Variants in SPATS2L observed in about 807,000 individuals in gnomAD.
SPATS2L encodes the protein spermatogenesis associated serine rich 2 like.
SPATS2L carries 30 observed loss-of-function variants against 59.6 expected under a neutral mutation model. The ratio of observed to expected loss-of-function variants is 0.50; its 90% confidence interval spans 0.38 to 0.68. The LOEUF (loss-of-function observed/expected upper bound fraction) is 0.68, where lower values mean the gene tolerates loss of function less well. Ranked by LOEUF, SPATS2L falls within the 30% of genes least tolerant of loss-of-function variation. The pLI is 0.00. For synonymous variants in SPATS2L, 252 were observed against 263.5 expected, an observed-to-expected ratio of 0.96 and a Z score of 0.42; for missense variants, 615 against 700.0, an observed-to-expected ratio of 0.88 and a Z score of 1.37.
intron 10 of SPATS2L, 115 bp from the exon 11 acceptor site, chr2:200,469,798 TC>T (rs1195564255): frequency 1.3e-6 from 1 of 741,182 alleles, no homozygotes; most frequent in Non-Finnish European, 2.2e-6. Context: ...GCTGGAAAGA[TC>T]CCCACCAGGT....
At chr2:200,474,404 TCAAA>T (rs2087338497) in intron 12 of SPATS2L, among the ~76,000 whole-genome samples, 1 of 152,078 alleles carries the variant, frequency 6.6e-6, no homozygotes, top group African/African-American at 2.4e-5. Flanking sequence ...CCTCCTGGGC[TCAAA>T]CAATCCACCA....
At chr2:200,434,912 A>G (rs1215314548) in intron 6 of SPATS2L, among the ~76,000 whole-genome samples, 1 of 152,134 alleles carries the variant, frequency 6.6e-6, no homozygotes, top group East Asian at 1.9e-4. Context: ...AAGAGGAGTA[A>G]AGCAGTTACA....
chr2:200,328,150 T>C (rs2079817506), intron 1 of SPATS2L, among the ~76,000 whole-genome samples: 1 of 152,184 alleles, frequency 6.6e-6, no homozygotes, highest in African/African-American at 2.4e-5. Flanking sequence ...ACGTGGATCC[T>C]GGGTGTTAGA....
rs142364163 is a variant in SPATS2L at position 200,311,488 on chromosome 2, A to G, written c.-73+4566A>G. On this transcript the variant is annotated intron_variant, in intron 1 of 12. Transcript: ENST00000409140. ...TTGAGGCTTTATGCCAGTATTTTAT[A>G]CGTCAAACAATTAGGCTAAAGTTAT... Among the ~76,000 whole-genome samples the G allele has an allele frequency of 1.6e-4, 24 of 152,330 alleles. No homozygotes were observed. The East Asian group carries it at 4.1e-3, about 26-fold the overall frequency.
chr2:200,472,917 G>A lies in SPATS2L; in HGVS notation c.1146G>A (p.Gly382=), dbSNP rs866933756. 11 of 1,613,792 alleles carry A rather than the reference G, an allele frequency of 6.8e-6. No individual in the cohort carries two copies. The highest frequency in any genetic ancestry group is 9.3e-6 in the Non-Finnish European group (11 of 1,179,852). The change falls in exon 12 of 13, where the codon GGG becomes GGA. Residue 382 remains glycine, a synonymous_variant. Coordinates refer to ENST00000409140, the MANE Select transcript of SPATS2L (RefSeq NM_001100423.2). ...TGAATGCGCACGCAGCAACCTCTGG[G>A]AAACAGAGTAACTTTTCCCGAAAAT... ...PLLNAHAATS[G]KQSNFSRKSS...
chr2:200,463,283 T>C (rs2086370361), intron 9 of SPATS2L: 1 of 152,210 alleles, frequency 6.6e-6, no homozygotes, highest in South Asian at 2.1e-4. Flanking sequence ...TTACATTTCC[T>C]GTAGACATTA....
intron 3 of SPATS2L, among the ~76,000 whole-genome samples, chr2:200,395,312 G>C (rs928970477): frequency 3.3e-5 from 5 of 152,184 alleles, no homozygotes; most frequent in Non-Finnish European, 7.3e-5. Context: ...GTAAAACTTG[G>C]TGATGGAAAG....
intron 3 of SPATS2L, chr2:200,389,644 G>A (rs925900743): frequency 3.7e-5 from 7 of 186,828 alleles, no homozygotes; most frequent in African/African-American, 9.4e-5. Flanking sequence ...CCATTCCACC[G>A]TTCATACTCT....
At chr2:200,381,013 G>A (rs2081790598) in intron 2 of SPATS2L, among the ~76,000 whole-genome samples, 1 of 152,168 alleles carries the variant, frequency 6.6e-6, no homozygotes, top group Admixed American at 6.5e-5. Context: ...TAAGAGACCT[G>A]AGTCATTACC....
intron 1 of SPATS2L, among the ~76,000 whole-genome samples, chr2:200,323,443 C>A (rs1481215980): frequency 6.6e-6 from 1 of 152,088 alleles, no homozygotes; most frequent in East Asian, 1.9e-4. Context: ...AGCCAATATA[C>A]CATTTAAAAT....
intron 2 of SPATS2L, among the ~76,000 whole-genome samples, chr2:200,333,258 C>T (rs904629733): frequency 6.6e-6 from 1 of 151,158 alleles, no homozygotes; most frequent in Non-Finnish European, 1.5e-5. Flanking sequence ...TGCACTCCAG[C>T]CTGGGTGACA....
intron 6 of SPATS2L, among the ~76,000 whole-genome samples, chr2:200,422,492 G>A (rs1369091279): frequency 1.4e-5 from 2 of 144,354 alleles, no homozygotes; most frequent in Non-Finnish European, 3.0e-5. Flanking sequence ...AACTGTGATC[G>A]TGCCACTGCA....
chr2:200,480,723 T>C lies in SPATS2L; in HGVS notation c.*2692T>C, dbSNP rs1055659536. 1 of 152,192 alleles carries C rather than the reference T, an allele frequency of 6.6e-6. No homozygotes were observed. Among genetic ancestry groups the C allele is most frequent in the Non-Finnish European group, 1.5e-5 (1 of 68,032 alleles). 9.4% of individuals were successfully genotyped at this position (152,192 alleles called of 1,614,324 possible). A position where few individuals can be genotyped will look rare whatever the true frequency, so the allele number is the denominator to read the frequency against. On this transcript the variant is annotated 3_prime_UTR_variant, in exon 13 of 13. Transcript: ENST00000409140. The stretch of plus-strand genomic sequence containing the variant: ...GCATGTAAGCATTTATTAGTTTGCA[T>C]TTTTGAAACAGTAATTTCAATATTT...
chr2:200,444,980 G>T (rs1411035509), intron 8 of SPATS2L, among the ~76,000 whole-genome samples: 2 of 151,834 alleles, frequency 1.3e-5, no homozygotes, highest in African/African-American at 4.8e-5. Flanking sequence ...TGACATATTT[G>T]CATACTAACA....
intron 8 of SPATS2L, among the ~76,000 whole-genome samples, chr2:200,446,256 GC>G (rs2085037148): frequency 6.6e-6 from 1 of 152,156 alleles, no homozygotes; most frequent in Non-Finnish European, 1.5e-5. Flanking sequence ...GATCGCTTAA[GC>G]CCAGGAATTC....
intron 3 of SPATS2L, chr2:200,393,188 G>A: frequency 2.2e-6 from 1 of 456,592 alleles, no homozygotes; most frequent in South Asian, 1.5e-5. Flanking sequence ...TCCTAAAGTT[G>A]GACCATGGAA....
intron 1 of SPATS2L, among the ~76,000 whole-genome samples, chr2:200,319,953 G>T (rs1469671832): frequency 6.6e-6 from 1 of 151,978 alleles, no homozygotes; most frequent in African/African-American, 2.4e-5. Flanking sequence ...TTTTAAATTC[G>T]ATATATTAAT....
At chr2:200,327,672 T>A (rs1240460853) in intron 1 of SPATS2L, among the ~76,000 whole-genome samples, 2 of 152,268 alleles carry the variant, frequency 1.3e-5, no homozygotes, top group African/African-American at 2.4e-5. Context: ...ATTGTTTTTG[T>A]CAAAAGTGTG....
upstream of SPATS2L, chr2:200,306,373 A>C (rs557319741): frequency 4.2e-4 from 422 of 1,001,738 alleles, 1 homozygote; most frequent in African/African-American, 6.7e-3. Flanking sequence ...GGTGAAGTGG[A>C]GGTTTGGGGA....
Sources: gnomAD v4.1 joint callset for allele counts (sites outside exome capture counted in the v4.1 genomes callset) on GRCh38, gnomAD v4.1.1 for gene constraint, MANE v1.5 for transcripts, NCBI Gene and HGNC (gene_info 2026-07-23, HGNC 2026-07-21) for gene names.